The following ADGRG6 variants were observed in gnomAD, a reference collection of about 807,000 sequenced individuals.
The protein encoded by ADGRG6 is G-protein coupled receptor 126.
ADGRG6 carries 84 observed loss-of-function variants against 142.4 expected under a neutral mutation model. That is an observed-to-expected ratio of 0.59 (90% confidence interval 0.49 to 0.71). The LOEUF is 0.71. Ranked by LOEUF, ADGRG6 falls within the 30% of genes least tolerant of loss-of-function variation. ADGRG6 has a pLI of 0.00. For synonymous variants in ADGRG6, 521 were observed against 520.5 expected (o/e 1.00, Z -0.01); for missense variants, 1,367 against 1,466.6 (o/e 0.93, Z 1.11).
chr6:142,421,932 A>G (rs779713005), intron 22 of ADGRG6, among the ~76,000 whole-genome samples: 3 of 152,192 alleles, frequency 2.0e-5, no homozygotes, highest in African/African-American at 4.8e-5. Flanking sequence ...TCTACCAACA[A>G]TTGCTTGCTG....
chr6:142,397,531 C>A, intron 9 of ADGRG6, 82 bp from the exon 10 acceptor site: 1 of 1,297,726 alleles, frequency 7.7e-7, no homozygotes, highest in Non-Finnish European at 1.1e-6. Flanking sequence ...CATCCCTCTA[C>A]ATCCAAATAC....
chr6:142,332,081 A>G (rs1779088789), intron 2 of ADGRG6, among the ~76,000 whole-genome samples: 1 of 152,204 alleles, frequency 6.6e-6, no homozygotes, highest in Non-Finnish European at 1.5e-5. Context: ...AAGAGAAACC[A>G]TATATAAATA....
intron 4 of ADGRG6, among the ~76,000 whole-genome samples, chr6:142,378,091 T>A (rs1341156848): frequency 6.6e-6 from 1 of 152,234 alleles, no homozygotes; most frequent in Non-Finnish European, 1.5e-5. Context: ...ATGCTACATA[T>A]TGAAATTTAT....
intron 4 of ADGRG6, among the ~76,000 whole-genome samples, chr6:142,379,306 G>C (rs1402793066): frequency 6.6e-6 from 1 of 152,056 alleles, no homozygotes; most frequent in Non-Finnish European, 1.5e-5. Flanking sequence ...TCTTGTATCT[G>C]TATCTATCTC....
At chr6:142,400,910 G>A (rs907985239) in intron 11 of ADGRG6, 19 of 198,294 alleles carry the variant, frequency 9.6e-5, no homozygotes, top group African/African-American at 3.7e-4. Context: ...TGGAACATGC[G>A]TCTGGAATTC....
intron 17 of ADGRG6, among the ~76,000 whole-genome samples, chr6:142,410,729 T>TATC (rs1776040503): frequency 1.3e-5 from 2 of 152,142 alleles, no homozygotes; most frequent in South Asian, 4.1e-4. Flanking sequence ...TAGTTAAAAG[T>TATC]ATCACTTTAT....
chr6:142,434,748 T>C (rs560745965), intron 22 of ADGRG6, among the ~76,000 whole-genome samples: 1 of 152,246 alleles, frequency 6.6e-6, no homozygotes, highest in Non-Finnish European at 1.5e-5. Flanking sequence ...AATAGGAATT[T>C]ATAGACAGCA....
At chr6:142,302,433 A>G (rs1233121371) in intron 1 of ADGRG6, 102 bp downstream of exon 1, 8 of 1,268,118 alleles carry the variant, frequency 6.3e-6, no homozygotes, top group Non-Finnish European at 7.8e-6. Flanking sequence ...AAATGATTTT[A>G]TAAGGACTTC....
At chr6:142,429,314 T>C (rs968689185) in intron 22 of ADGRG6, among the ~76,000 whole-genome samples, 10 of 152,212 alleles carry the variant, frequency 6.6e-5, no homozygotes, top group African/African-American at 2.4e-4. Context: ...AAAGTTGAGC[T>C]GTTACATAAT....
intron 18 of ADGRG6, among the ~76,000 whole-genome samples, chr6:142,412,490 G>A (rs1318332532): frequency 6.6e-6 from 1 of 152,086 alleles, no homozygotes; most frequent in African/African-American, 2.4e-5. Flanking sequence ...TATGTAAATG[G>A]CCATTGTCAT....
At chr6:142,312,230 TG>T (rs969314010) in intron 2 of ADGRG6, among the ~76,000 whole-genome samples, 1 of 152,096 alleles carries the variant, frequency 6.6e-6, no homozygotes, top group Non-Finnish European at 1.5e-5. Context: ...TTAATTCAGA[TG>T]ATTAAAATTA....
chr6:142,407,348 G>A (rs1775860914), intron 15 of ADGRG6, among the ~76,000 whole-genome samples: 1 of 151,972 alleles, frequency 6.6e-6, no homozygotes, highest in African/African-American at 2.4e-5. Context: ...TAATAGCTGA[G>A]TTTAATAATG....
chr6:142,397,575 G>T, intron 9 of ADGRG6, 38 bp from the exon 10 acceptor site: 2 of 1,588,162 alleles, frequency 1.3e-6, no homozygotes, highest in South Asian at 2.3e-5. Context: ...AGCAACCAAT[G>T]AACAACAACA....
Position 142,370,792 on chromosome 6 carries a change from T to C in ADGRG6, c.1068T>C (p.Cys356=). ...TGAAAGCTGAAAGCAACCTAAGCTG[T>C]GGTGAGTTTGTAGCGTATTCCTTTT... The part of the protein sequence containing the change: ...LALKAESNLS[C]GSYLIPLPAA... Residue 356 remains cysteine, a splice_region_variant and synonymous_variant, in exon 4 of 25, where the codon TGT becomes TGC. Coordinates refer to ENST00000367609, the MANE Select transcript of ADGRG6 (RefSeq NM_198569.3). 5.0e-6 allele frequency: 8 copies of C among 1,612,726 alleles called. No homozygotes were observed. Among genetic ancestry groups the C allele is most frequent in the Non-Finnish European group, 6.8e-6 (8 of 1,179,284 alleles).
Position 142,342,161 on chromosome 6 carries a change from A to G in ADGRG6, c.104-25408A>G, listed in dbSNP as rs532532325. On this transcript the variant is annotated intron_variant, in intron 2 of 24. Coordinates refer to ENST00000367609, the MANE Select transcript of ADGRG6 (RefSeq NM_198569.3). ...GGACAGCAAGCAAGGGAGCGGGATT[A>G]TTGGAGAGATACAGCAAATGGAAAG... Among the ~76,000 whole-genome samples the G allele has an allele frequency of 3.3e-5, 5 of 152,174 alleles. No homozygotes were observed. The East Asian group carries it at 9.7e-4, about 29-fold the overall frequency.
chr6:142,405,834 C>G lies in ADGRG6; in HGVS notation c.2268+6C>G. ...ACAAAACTGGACTTTTCCAGGTAAG[C>G]ACATTCATTAAATTATTGTTTTTCA... On this transcript the variant is annotated splice_donor_region_variant and intron_variant, in intron 15 of 24. Transcript: ENST00000367609. The G allele has an allele frequency of 6.4e-7, 1 of 1,567,394 alleles. No homozygotes were observed. Among genetic ancestry groups the G allele is most frequent in the Non-Finnish European group, 8.6e-7 (1 of 1,158,942 alleles).
Position 142,302,242 on chromosome 6 carries a change from C to G in ADGRG6, c.-88C>G. The G allele has an allele frequency of 6.6e-7, 1 of 1,509,016 alleles. No individual in the cohort carries two copies. The highest frequency in any genetic ancestry group is 9.1e-7 in the Non-Finnish European group (1 of 1,104,750). The allele number at this position is 1,509,016 out of a possible 1,614,324, so 93.5% of individuals were successfully genotyped here. On this transcript the variant is annotated 5_prime_UTR_variant, in exon 1 of 25. Transcript: ENST00000367609. The stretch of plus-strand genomic sequence containing the variant: ...GGCGCAGGGCTGGGGCGCCTGGGTT[C>G]CCCCTGGGTGGAGCAGCGGCAGCAG...
chr6:142,414,121 G>T (rs1344868365), intron 18 of ADGRG6, among the ~76,000 whole-genome samples: 2 of 152,024 alleles, frequency 1.3e-5, no homozygotes, highest in Non-Finnish European at 2.9e-5. Context: ...ACATAAAGGA[G>T]GTACTTTTCT....
At chr6:142,428,371 T>G (rs1237286001) in intron 22 of ADGRG6, among the ~76,000 whole-genome samples, 1 of 152,164 alleles carries the variant, frequency 6.6e-6, no homozygotes, top group East Asian at 1.9e-4. Context: ...TATAAAAATT[T>G]TACCTACTTA....
Sources: allele counts gnomAD v4.1 joint callset (sites outside exome capture counted in the v4.1 genomes callset), GRCh38; gene constraint gnomAD v4.1.1; transcripts MANE v1.5; gene names NCBI Gene and HGNC (gene_info 2026-07-23, HGNC 2026-07-21).